Variants in UBE2D2 observed in about 807,000 individuals in gnomAD.
UBE2D2 encodes ubiquitin conjugating enzyme E2 D2.
Under a neutral mutation model 24.2 loss-of-function variants are expected in UBE2D2, and 2 were observed. The observed-to-expected ratio is 0.08, with a 90% CI of 0.03 to 0.26. The LOEUF is 0.26. Ranked by LOEUF, UBE2D2 falls within the 10% of genes least tolerant of loss-of-function variation. The pLI is 1.00. For missense variants in UBE2D2, 44 were observed against 177.6 expected (o/e 0.25, Z 4.28); for synonymous variants, 58 against 56.5 (o/e 1.03, Z -0.12).
Position 139,595,730 on chromosome 5 carries a change from A to G in UBE2D2, c.25-4642A>G, listed in dbSNP as rs1182879522. ...GTTAAAAAAAGAAAAAGAAAATTTT[A>G]AAGGGTAATTTATTTTTCAAATGGG... On this transcript the variant is annotated intron_variant, in intron 1 of 6. Coordinates refer to ENST00000398733, the MANE Select transcript of UBE2D2 (RefSeq NM_003339.3). Among the ~76,000 whole-genome samples the G allele has an allele frequency of 3.3e-5, 5 of 152,184 alleles. No individual in the cohort carries two copies. In the East Asian group the frequency reaches 9.6e-4, roughly 29 times the overall value.
chr5:139,583,599 T>G (rs1753653819), intron 1 of UBE2D2, among the ~76,000 whole-genome samples: 1 of 151,908 alleles, frequency 6.6e-6, no homozygotes, highest in Non-Finnish European at 1.5e-5. Flanking sequence ...CTGTCTCTAT[T>G]AAAAATACAA....
In UBE2D2 at chr5:139,611,005, C is replaced by G. The variant is rs150565586; in HGVS notation, c.89-3581C>G. 4.6e-3 allele frequency among the ~76,000 whole-genome samples: 696 copies of G among 152,032 alleles called. 4 individuals are homozygous for G. The highest frequency in any genetic ancestry group is 0.016 in the African/African-American group (650 of 41,458). On this transcript the variant is annotated intron_variant, in intron 2 of 6. Coordinates refer to ENST00000398733, the MANE Select transcript of UBE2D2 (RefSeq NM_003339.3). The stretch of plus-strand genomic sequence containing the variant: ...TATAACCAAAGGAGGCATTATGCTT[C>G]CAGAATAATCTCAAGGAAAAATATT...
At chr5:139,578,315 T>C (rs771786672) in intron 1 of UBE2D2, among the ~76,000 whole-genome samples, 6 of 152,204 alleles carry the variant, frequency 3.9e-5, no homozygotes, top group Non-Finnish European at 5.9e-5. Flanking sequence ...CTACTTGCTA[T>C]AGAAGTAGAA....
chr5:139,616,022 G>C (rs981031531), intron 5 of UBE2D2, among the ~76,000 whole-genome samples: 4 of 150,746 alleles, frequency 2.7e-5, no homozygotes, highest in Admixed American at 2.0e-4. Flanking sequence ...TTTTAGTAGA[G>C]ACTGGGTTTC....
intron 6 of UBE2D2, among the ~76,000 whole-genome samples, chr5:139,625,440 C>CCCCCCCT (rs1390321656): frequency 3.8e-4 from 2 of 5,266 alleles, no homozygotes; most frequent in Non-Finnish European, 5.9e-4. Context: ...ACCCCCCCCC[C>CCCCCCCT]TTTTTTTTTT....
chr5:139,535,627 A>C (rs1337740943), intron 1 of UBE2D2, among the ~76,000 whole-genome samples: 1 of 151,524 alleles, frequency 6.6e-6, no homozygotes, highest in Non-Finnish European at 1.5e-5. Context: ...ACACTATCTC[A>C]AAAAAAAATT....
intron 5 of UBE2D2, among the ~76,000 whole-genome samples, chr5:139,617,370 ATTTTTT>A (rs1292231182): frequency 2.9e-5 from 3 of 102,546 alleles, no homozygotes; most frequent in East Asian, 5.4e-4. Flanking sequence ...GTGGTGTGTG[ATTTTTT>A]TTTTTTTTTT....
At chr5:139,556,725 T>A (rs1354566345), upstream of UBE2D2, among the ~76,000 whole-genome samples, 2 of 151,986 alleles carry the variant, frequency 1.3e-5, no homozygotes, top group Non-Finnish European at 2.9e-5. Flanking sequence ...AAGGATATTA[T>A]GAGTAACTTT....
At chr5:139,578,460 G>GTGTGTGTGTGTT (rs1484374421) in intron 1 of UBE2D2, among the ~76,000 whole-genome samples, 52 of 151,860 alleles carry the variant, frequency 3.4e-4, no homozygotes, top group Non-Finnish European at 3.2e-4. Flanking sequence ...GTGTGTGTGT[G>GTGTGTGTGTGTT]TGTGTGTGTT....
At chr5:139,573,301 CAAAAAAAAAAA>C (rs908084752) in intron 1 of UBE2D2, among the ~76,000 whole-genome samples, 5 of 95,022 alleles carry the variant, frequency 5.3e-5, no homozygotes, top group African/African-American at 2.0e-4. Flanking sequence ...AACTCCATCT[CAAAAAAAAAAA>C]GAAAAAAAAA....
intron 1 of UBE2D2, among the ~76,000 whole-genome samples, chr5:139,547,599 T>A (rs1752850691): frequency 1.3e-5 from 2 of 151,852 alleles, no homozygotes; most frequent in African/African-American, 4.8e-5. Context: ...AACCACCACC[T>A]CCTGGGTTCA....
chr5:139,601,665 C>T (rs1181931288), intron 2 of UBE2D2, among the ~76,000 whole-genome samples: 1 of 151,926 alleles, frequency 6.6e-6, no homozygotes, highest in Non-Finnish European at 1.5e-5. Context: ...AATCCCAGCA[C>T]TTTGAAAGGC....
At chr5:139,540,021 G>A (rs1325449599) in intron 1 of UBE2D2, among the ~76,000 whole-genome samples, 3 of 152,206 alleles carry the variant, frequency 2.0e-5, no homozygotes, top group Non-Finnish European at 2.9e-5. Flanking sequence ...CTGGGTTCAA[G>A]CGATTCTCCT....
At chr5:139,567,285 A>C (rs922258439) in intron 1 of UBE2D2, among the ~76,000 whole-genome samples, 14 of 152,160 alleles carry the variant, frequency 9.2e-5, no homozygotes, top group African/African-American at 3.4e-4. Flanking sequence ...TTTTTGGTAG[A>C]GACGGGGTTT....
intron 2 of UBE2D2, among the ~76,000 whole-genome samples, chr5:139,608,504 C>T (rs1481408385): frequency 1.3e-5 from 2 of 151,766 alleles, no homozygotes; most frequent in Admixed American, 6.6e-5. Context: ...CCTATATTCC[C>T]AGCAGTTTGG....
intron 1 of UBE2D2, among the ~76,000 whole-genome samples, chr5:139,573,735 T>G (rs1290414383): frequency 6.6e-6 from 1 of 152,050 alleles, no homozygotes. Flanking sequence ...TTTGGGAGGC[T>G]GAGGCGGGCG....
At chr5:139,571,124 A>T (rs1326623382) in intron 1 of UBE2D2, among the ~76,000 whole-genome samples, 1 of 152,036 alleles carries the variant, frequency 6.6e-6, no homozygotes, top group Admixed American at 6.6e-5. Context: ...AAAACAACAG[A>T]TCGGCTGGGC....
chr5:139,566,454 G>T (rs1313562603), intron 1 of UBE2D2, among the ~76,000 whole-genome samples: 1 of 152,042 alleles, frequency 6.6e-6, no homozygotes, highest in Admixed American at 6.6e-5. Context: ...TGGGCAGATC[G>T]CTTGAGCTCA....
intron 1 of UBE2D2, among the ~76,000 whole-genome samples, chr5:139,530,809 G>A (rs1267254364): frequency 6.6e-6 from 1 of 152,100 alleles, no homozygotes; most frequent in African/African-American, 2.4e-5. Context: ...CTCAGTCCGG[G>A]AGCCATGTTT....
Sources: allele counts gnomAD v4.1 joint callset (sites outside exome capture counted in the v4.1 genomes callset), GRCh38; gene constraint gnomAD v4.1.1; transcripts MANE v1.5; gene names NCBI Gene and HGNC (gene_info 2026-07-23, HGNC 2026-07-21).